HIPK3: variants seen among roughly 807,000 people sequenced by gnomAD.
HIPK3 encodes homeodomain-interacting protein kinase 3.
In HIPK3, 47 loss-of-function variants were observed where a neutral mutation model predicts 124.2. The observed-to-expected ratio is 0.38, with a 90% CI of 0.30 to 0.48. HIPK3 has a LOEUF of 0.48. HIPK3 is among the 20% of genes least tolerant of loss of function. HIPK3 has a pLI of 0.98. For synonymous variants in HIPK3, 482 were observed against 515.2 expected (o/e 0.94, Z 0.87); for missense variants, 1,286 against 1,454.3 (o/e 0.88, Z 1.88).
At position 33,351,673 on chromosome 11, in the gene HIPK3, C is replaced by G. The variant is rs771954226; in HGVS notation, c.2873C>G (p.Ser958Cys). The change falls in exon 15 of 17, where the codon TCC (serine) becomes TGC (cysteine). Residue 958 changes from serine (S) to cysteine (C), a missense_variant. Physicochemically the swap from Ser to Cys is moderately radical, Grantham distance 112 (BLOSUM62 -1). Around this residue, in one of 3 missense-constraint regions of HIPK3, gnomAD observed 810 missense variants for 864.9 expected, o/e 0.94. Transcript: ENST00000303296. ...GATGGCTCTCCGACATCTGACTCTT[C>G]CGGGCATGACAGTCCATTTGCAGAG... is the stretch of plus-strand genomic sequence containing the variant. ...TVDGSPTSDS[S>C]GHDSPFAEST... 7 of 1,614,176 alleles carry G rather than the reference C, an allele frequency of 4.3e-6. No individual in the cohort carries two copies. The highest frequency in any genetic ancestry group is 1.1e-5 in the South Asian group (1 of 91,074).
At chr11:33,299,818 G>A (rs1851944025) in intron 2 of HIPK3, among the ~76,000 whole-genome samples, 1 of 151,972 alleles carries the variant, frequency 6.6e-6, no homozygotes, top group African/African-American at 2.4e-5. Flanking sequence ...GAAGTCAGGA[G>A]TTCCAGACCA....
chr11:33,344,753 A>G (rs972173863), intron 8 of HIPK3, among the ~76,000 whole-genome samples: 1 of 152,226 alleles, frequency 6.6e-6, no homozygotes, highest in Admixed American at 6.5e-5. Context: ...GCAACAGGCC[A>G]GGCAGGCTCT....
At chr11:33,280,519 C>T (rs1193221317) in intron 1 of HIPK3, among the ~76,000 whole-genome samples, 2 of 152,124 alleles carry the variant, frequency 1.3e-5, no homozygotes, top group East Asian at 3.8e-4. Context: ...GCACCACCAC[C>T]TATGCCTTCT....
At position 33,338,800 on chromosome 11, in the gene HIPK3, A is replaced by T. The variant is rs1853240635; in HGVS notation, c.1385A>T (p.Glu462Val). 3 of 1,613,210 alleles carry T rather than the reference A, an allele frequency of 1.9e-6. No homozygotes were observed. The change falls in exon 5 of 17, where the codon GAA becomes GTA. Residue 462 changes from glutamate to valine, a missense_variant. Transcript: ENST00000303296. ...HEAETGMKSK[E>V]ARKYIFNSLD... The stretch of plus-strand genomic sequence containing the variant: ...GCAGAGACAGGAATGAAGTCTAAAG[A>T]AGCCAGAAAATACATTTTCAACAGT...
chr11:33,259,858 TTAAAACTG>T (rs1203826846), intron 1 of HIPK3, among the ~76,000 whole-genome samples: 1 of 143,032 alleles, frequency 7.0e-6, no homozygotes. Context: ...GAACCTTAGA[TTAAAACTG>T]TTGTAAAAAA....
At chr11:33,311,013 C>G (rs1443659089) in intron 2 of HIPK3, among the ~76,000 whole-genome samples, 4 of 152,192 alleles carry the variant, frequency 2.6e-5, no homozygotes, top group Non-Finnish European at 4.4e-5. Context: ...GGGATGGCTG[C>G]AGGCTCTTGA....
rs1590367224 is a variant in HIPK3 at position 33,293,845 on chromosome 11, T to C, written c.1097+6334T>C. 2.0e-5 allele frequency among the ~76,000 whole-genome samples: 3 copies of C among 152,156 alleles called. No homozygotes were observed. In the East Asian group the frequency reaches 5.8e-4, roughly 29 times the overall value. The stretch of plus-strand genomic sequence containing the variant: ...GTCTCTGCTTTTATGGTGTTTGCAA[T>C]CTAATGGGTAGACAAAGAACAAAAA... On this transcript the variant is annotated intron_variant, in intron 2 of 16. Coordinates refer to ENST00000303296, the MANE Select transcript of HIPK3 (RefSeq NM_005734.5).
chr11:33,328,548 C>A lies in HIPK3; in HGVS notation c.1136C>A (p.Ala379Asp). Residue 379 changes from alanine (A) to aspartate (D), a missense_variant, in exon 3 of 17, where the codon GCC (alanine) becomes GAC (aspartate). Around this residue, in one of 3 missense-constraint regions of HIPK3, gnomAD observed 251 missense variants for 349.1 expected, o/e 0.72. Coordinates refer to ENST00000303296, the MANE Select transcript of HIPK3 (RefSeq NM_005734.5). Reference sequence around the variant, plus strand: ...ATATTGGGGTTGCCATTTTGTGAAGCCATAGACATGTGGTCATTGGGATGT... The same window carrying A: ...ATATTGGGGTTGCCATTTTGTGAAGACATAGACATGTGGTCATTGGGATGT... ...EIILGLPFCEAIDMWSLGCVI... is the reference protein window; with the variant it reads ...EIILGLPFCEDIDMWSLGCVI... The A allele has an allele frequency of 6.2e-7, 1 of 1,613,298 alleles. No homozygotes were observed. The highest frequency in any genetic ancestry group is 8.5e-7 in the Non-Finnish European group (1 of 1,179,400).
intron 1 of HIPK3, among the ~76,000 whole-genome samples, chr11:33,269,619 G>A (rs1851068044): frequency 6.6e-6 from 1 of 151,574 alleles, no homozygotes; most frequent in Non-Finnish European, 1.5e-5. Context: ...AGGGTCCTCT[G>A]TTTCTTTTTC....
At chr11:33,269,330 C>T (rs957961445) in intron 1 of HIPK3, among the ~76,000 whole-genome samples, 1 of 152,268 alleles carries the variant, frequency 6.6e-6, no homozygotes, top group Admixed American at 6.5e-5. Context: ...ACAGTACACA[C>T]TTTGGGATTT....
intron 3 of HIPK3, among the ~76,000 whole-genome samples, chr11:33,332,854 A>G (rs1853028312): frequency 6.6e-6 from 1 of 152,204 alleles, no homozygotes; most frequent in African/African-American, 2.4e-5. Flanking sequence ...ACAGTTCTGC[A>G]GGCTGTACAA....
rs10628141 is a variant in HIPK3, at chr11:33,308,613, GGTGTGT to G, written c.1098-19873_1098-19868del. On this transcript the variant is annotated intron_variant, in intron 2 of 16. Transcript: ENST00000303296. ...CTTGATCTACAGGTGTGTGCCTAGG[GGTGTGT>G]GTGTGTGTGTGTGTGTGTGTGTGAG... Among the ~76,000 whole-genome samples the G allele has an allele frequency of 2.2e-4, 32 of 147,472 alleles. No homozygotes were observed. In the East Asian group the frequency reaches 3.4e-3, roughly 16 times the overall value.
intron 8 of HIPK3, among the ~76,000 whole-genome samples, chr11:33,345,318 C>T (rs925634506): frequency 6.6e-6 from 1 of 152,046 alleles, no homozygotes; most frequent in African/African-American, 2.4e-5. Context: ...TATATTCCAG[C>T]AAAATTCTCT....
chr11:33,334,877 T>A (rs1379480766), intron 3 of HIPK3, among the ~76,000 whole-genome samples: 1 of 152,122 alleles, frequency 6.6e-6, no homozygotes, highest in Non-Finnish European at 1.5e-5. Context: ...CTAAGGACAT[T>A]AGGAGAGACT....
intron 14 of HIPK3, among the ~76,000 whole-genome samples, chr11:33,350,704 A>G (rs924098877): frequency 1.3e-5 from 2 of 152,056 alleles, no homozygotes; most frequent in African/African-American, 2.4e-5. Context: ...GAGGGGAAGG[A>G]AAGAAAGAAA....
intron 2 of HIPK3, among the ~76,000 whole-genome samples, chr11:33,307,752 G>T (rs1852208123): frequency 6.7e-6 from 1 of 149,416 alleles, no homozygotes; most frequent in Admixed American, 6.7e-5. Flanking sequence ...TTTTATTCTT[G>T]TTGGTGTGTG....
intron 1 of HIPK3, among the ~76,000 whole-genome samples, chr11:33,282,917 A>G (rs920375374): frequency 2.6e-5 from 4 of 152,146 alleles, no homozygotes; most frequent in Admixed American, 6.6e-5. Context: ...GTCTCTTAGA[A>G]AAACTATTGC....
At chr11:33,266,609 A>G (rs1850971823) in intron 1 of HIPK3, among the ~76,000 whole-genome samples, 1 of 152,118 alleles carries the variant, frequency 6.6e-6, no homozygotes, top group South Asian at 2.1e-4. Context: ...GGAGAGGCTG[A>G]GGTGGGAGGA....
intron 2 of HIPK3, among the ~76,000 whole-genome samples, chr11:33,305,825 C>A (rs1043577287): frequency 4.0e-5 from 6 of 151,728 alleles, no homozygotes; most frequent in African/African-American, 7.2e-5. Context: ...TTGAAACTTT[C>A]TTTCCTGGCT....
Sources: allele counts gnomAD v4.1 joint callset (sites outside exome capture counted in the v4.1 genomes callset), GRCh38; gene constraint gnomAD v4.1.1; regional missense constraint gnomAD v4.1.1; transcripts MANE v1.5; gene names NCBI Gene and HGNC (gene_info 2026-07-23, HGNC 2026-07-21).